Variants in ADGRF3 observed in about 807,000 individuals in gnomAD.
ADGRF3 encodes the protein G protein-coupled receptor 113.
ADGRF3 carries 85 observed loss-of-function variants against 93.2 expected under a neutral mutation model. The observed-to-expected ratio is 0.91, with a 90% CI of 0.77 to 1.09. The LOEUF (loss-of-function observed/expected upper bound fraction) is 1.09, where lower values mean the gene tolerates loss of function less well. ADGRF3 is among the 50% of genes least tolerant of loss of function. ADGRF3 has a pLI of 0.00. For synonymous variants in ADGRF3, 534 were observed against 532.5 expected (o/e 1.00, Z -0.04); for missense variants, 1,125 against 1,246.2 (o/e 0.90, Z 1.46).
chr2:26,345,481 T>C (rs780294005), intron 1 of ADGRF3, among the ~76,000 whole-genome samples: 4 of 152,160 alleles, frequency 2.6e-5, no homozygotes, highest in Admixed American at 6.5e-5. Flanking sequence ...CTAAGCAACA[T>C]AGACCTGAGG....
intron 1 of ADGRF3, among the ~76,000 whole-genome samples, chr2:26,345,457 G>A (rs755740927): frequency 3.3e-5 from 5 of 152,110 alleles, no homozygotes; most frequent in African/African-American, 7.2e-5. Flanking sequence ...GTGCGATGAG[G>A]CGGTCCAAGG....
chr2:26,312,690 CG>C (rs1225978536), intron 9 of ADGRF3, among the ~76,000 whole-genome samples: 1 of 152,240 alleles, frequency 6.6e-6, no homozygotes, highest in Non-Finnish European at 1.5e-5. Context: ...TGCGCACACA[CG>C]CCTCGGGCCT....
In ADGRF3 at chr2:26,346,070, A is replaced by C. The variant is rs963666978; in HGVS notation, c.114+51T>G. On this transcript the variant is annotated intron_variant, in intron 1 of 13. Coordinates refer to ENST00000651242, the MANE Select transcript of ADGRF3 (RefSeq NM_001321971.2). The stretch of plus-strand genomic sequence containing the variant: ...CGCTTGCGCACTGAGAGGCGGCCGA[A>C]GGGGCCGAGGCGGCTACGCGTGCGC... The C allele has an allele frequency of 1.8e-5, 27 of 1,515,432 alleles. No homozygotes were observed. In the South Asian group the frequency reaches 2.4e-4, roughly 14 times the overall value. 93.9% of individuals were successfully genotyped at this position (1,515,432 alleles called of 1,614,324 possible). A position where few individuals can be genotyped will look rare whatever the true frequency, so the allele number is the denominator to read the frequency against.
chr2:26,316,445 C>T lies in ADGRF3; in HGVS notation c.329G>A (p.Cys110Tyr). Residue 110 changes from cysteine to tyrosine, a missense_variant, in exon 4 of 14, where the codon TGT becomes TAT. Cys to Tyr is a radical substitution (Grantham distance 194). Transcript: ENST00000651242. Reference protein sequence around the residue: ...LLTGLRLTTECNVNHKGNFYC... With the variant: ...LLTGLRLTTEYNVNHKGNFYC... ...GAAATTCCCCTTGTGGTTGACATTA[C>T]ACTCTGACAGAGAGAAGAGAAGAGG... The T allele has an allele frequency of 1.9e-6, 3 of 1,551,452 alleles. No individual in the cohort carries two copies. The highest frequency in any genetic ancestry group is 2.6e-6 in the Non-Finnish European group (3 of 1,146,856).
intron 1 of ADGRF3, among the ~76,000 whole-genome samples, chr2:26,344,463 T>C (rs895081796): frequency 2.6e-5 from 4 of 152,172 alleles, no homozygotes; most frequent in Admixed American, 2.6e-4. Flanking sequence ...ATTTCTAATG[T>C]TCTTCTCAAA....
Position 26,311,066 on chromosome 2 carries a change from G to T in ADGRF3, c.2458C>A (p.Leu820Ile), listed in dbSNP as rs531045762. Residue 820 changes from leucine (L) to isoleucine (I), a missense_variant, in exon 10 of 14, where the codon CTC becomes ATC. Leu to Ile is a conservative substitution (Grantham distance 5). Coordinates refer to ENST00000651242, the MANE Select transcript of ADGRF3 (RefSeq NM_001321971.2). The stretch of plus-strand genomic sequence containing the variant: ...CCCAGTGGGCACAGGTAGCCCAGGA[G>T]CACCATGAGGGGGAGAACTCGGTGC... The part of the protein sequence containing the change: ...AKHRVLPLMV[L>I]LGYLCPLGLA... 6.2e-7 allele frequency: 1 copy of T among 1,607,966 alleles called. No homozygotes were observed. Among genetic ancestry groups the T allele is most frequent in the African/African-American group, 1.3e-5 (1 of 74,882 alleles).
Position 26,315,729 on chromosome 2 carries a change from G to C in ADGRF3, c.511C>G (p.Leu171Val). 6.4e-7 allele frequency: 1 copy of C among 1,551,362 alleles called. No individual in the cohort carries two copies. Among genetic ancestry groups the C allele is most frequent in the Non-Finnish European group, 8.7e-7 (1 of 1,146,970 alleles). ...ATCTGCAGCTGGGAGTTCAGGTTGAGGATCCCGGGGACTGCAGGGAGGCAG... is the reference window on the plus strand; with the variant it reads ...ATCTGCAGCTGGGAGTTCAGGTTGACGATCCCGGGGACTGCAGGGAGGCAG... ...CQLLPPVPGI[L>V]NLNSQLQMPG... The change falls in exon 5 of 14, where the codon CTC becomes GTC. Residue 171 changes from leucine (L) to valine (V), a missense_variant. By Grantham distance (32) the Leu-to-Val change is conservative (BLOSUM62 1). Transcript: ENST00000651242.
intron 4 of ADGRF3, among the ~76,000 whole-genome samples, chr2:26,315,981 C>T (rs1019315122): frequency 6.8e-6 from 1 of 146,230 alleles, no homozygotes; most frequent in Non-Finnish European, 1.5e-5. Context: ...GCCTCTCCCT[C>T]CCCCAGGTAT....
intron 1 of ADGRF3, chr2:26,345,635 G>A (rs11900180): frequency 0.12 from 17,780 of 153,766 alleles, 2,464 homozygotes; most frequent in African/African-American, 0.33. Context: ...CACCGCACCA[G>A]GAGCTGGGAG....
At chr2:26,326,273 C>T (rs1675430487) in intron 1 of ADGRF3, among the ~76,000 whole-genome samples, 1 of 152,180 alleles carries the variant, frequency 6.6e-6, no homozygotes, top group East Asian at 1.9e-4. Flanking sequence ...GCACCCAGAG[C>T]TCATTCTCCA....
chr2:26,339,308 C>A (rs1676239240), intron 1 of ADGRF3, among the ~76,000 whole-genome samples: 1 of 151,964 alleles, frequency 6.6e-6, no homozygotes. Flanking sequence ...CCAGCTTGGT[C>A]AACATGGTGA....
intron 10 of ADGRF3, 47 bp from the exon 11 acceptor site, chr2:26,310,284 C>T: frequency 6.3e-7 from 1 of 1,599,958 alleles, no homozygotes; most frequent in Non-Finnish European, 8.6e-7. Flanking sequence ...GGAAGGGATC[C>T]ACCCGAATCA....
intron 12 of ADGRF3, 118 bp from the exon 13 acceptor site, chr2:26,309,699 C>A: frequency 7.1e-7 from 1 of 1,415,552 alleles, no homozygotes; most frequent in African/African-American, 1.4e-5. Flanking sequence ...CTGCAGGAAT[C>A]CTAGAAATTT....
intron 1 of ADGRF3, among the ~76,000 whole-genome samples, chr2:26,321,521 T>C (rs1336045861): frequency 6.6e-6 from 1 of 151,840 alleles, no homozygotes; most frequent in African/African-American, 2.4e-5. Context: ...AAGCAAGAGG[T>C]GGACTGAGAC....
At chr2:26,326,610 T>C (rs924157482) in intron 1 of ADGRF3, among the ~76,000 whole-genome samples, 2 of 152,170 alleles carry the variant, frequency 1.3e-5, no homozygotes, top group African/African-American at 4.8e-5. Context: ...GAAAATATTT[T>C]TGAGTAGCCT....
At chr2:26,317,909 C>T in intron 1 of ADGRF3, 1 of 927,322 alleles carries the variant, frequency 1.1e-6, no homozygotes, top group African/African-American at 1.6e-5. Context: ...GGCTGGGGCC[C>T]AGGCGCTTGG....
chr2:26,316,243 C>T (rs940659472), intron 4 of ADGRF3, 32 bp downstream of exon 4: 4 of 1,542,522 alleles, frequency 2.6e-6, no homozygotes, highest in Admixed American at 2.0e-5. Context: ...TCACTTAAGG[C>T]CATTGGTTTC....
intron 2 of ADGRF3, 110 bp from the exon 3 acceptor site, chr2:26,317,165 C>T: frequency 1.8e-6 from 2 of 1,118,424 alleles, no homozygotes; most frequent in Non-Finnish European, 2.6e-6. Flanking sequence ...GAGCAGACCC[C>T]CTCCCACAGC....
In ADGRF3 at chr2:26,313,379, T is replaced by C. The variant is rs1283132211; in HGVS notation, c.1267A>G (p.Lys423Glu). 1 of 1,585,580 alleles carries C rather than the reference T, an allele frequency of 6.3e-7. No individual in the cohort carries two copies. Among genetic ancestry groups the C allele is most frequent in the South Asian group, 1.2e-5 (1 of 86,404 alleles). ...GGGCAGCAGGGTGGAAGCTTCACCT[T>C]GGTTCTAGTGAACAAGGCCAGGAGC... The part of the protein sequence containing the change: ...ARLLALFTRT[K>E]LLQAGQGSPA... Residue 423 changes from lysine (K) to glutamate (E), a missense_variant and splice_region_variant, in exon 8 of 14, where the codon AAG becomes GAG. Transcript: ENST00000651242.
Sources: gnomAD v4.1 joint callset for allele counts (sites outside exome capture counted in the v4.1 genomes callset) on GRCh38, gnomAD v4.1.1 for gene constraint, MANE v1.5 for transcripts, NCBI Gene and HGNC (gene_info 2026-07-23, HGNC 2026-07-21) for gene names.